MAP2: variants seen among roughly 807,000 people sequenced by gnomAD.
MAP2 encodes microtubule-associated protein 2.
A neutral mutation model predicts 137.6 loss-of-function variants in MAP2; 14 were observed. The ratio of observed to expected loss-of-function variants is 0.10; its 90% confidence interval spans 0.07 to 0.16. MAP2 has a LOEUF of 0.16. Ranked by LOEUF, MAP2 falls within the 10% of genes least tolerant of loss-of-function variation. MAP2 has a pLI of 1.00. For synonymous variants in MAP2, 786 were observed against 782.3 expected (o/e 1.00, Z -0.08); for missense variants, 2,088 against 2,191.5 (o/e 0.95, Z 0.94).
chr2:209,713,001 G>A (rs1222673801), intron 13 of MAP2, among the ~76,000 whole-genome samples: 1 of 152,052 alleles, frequency 6.6e-6, no homozygotes. Flanking sequence ...CTTTCTTCAC[G>A]GGCCAGGTTT....
intron 4 of MAP2, among the ~76,000 whole-genome samples, chr2:209,633,024 T>G (rs2093239989): frequency 6.6e-6 from 1 of 152,146 alleles, no homozygotes; most frequent in Non-Finnish European, 1.5e-5. Flanking sequence ...TAAATGCCAT[T>G]TAGAACACGT....
rs768288660 is a variant in MAP2 at position 209,725,808 on chromosome 2, A to G, written c.5155+18A>G. The G allele has an allele frequency of 6.5e-7, 1 of 1,532,178 alleles. No homozygotes were observed. The highest frequency in any genetic ancestry group is 1.2e-5 in the South Asian group (1 of 80,496). The allele number at this position is 1,532,178 out of a possible 1,614,324, so 94.9% of individuals were successfully genotyped here. On this transcript the variant is annotated intron_variant, in intron 14 of 15. Coordinates refer to ENST00000682079, the MANE Select transcript of MAP2 (RefSeq NM_001375505.1). ...CAGGCCAGGTAAATAAATAATTTTT[A>G]GTAGTTTGAGAAATATTTAACTGGA...
At position 209,521,264 on chromosome 2, in the gene MAP2, A is replaced by G. The variant is rs576932379; in HGVS notation, c.-172+13623A>G. On this transcript the variant is annotated intron_variant, in intron 2 of 15. Transcript: ENST00000682079. Reference sequence around the variant, plus strand: ...TGGCAGCAGCCTTCTACGTACATACATGTACTTTACAACACACTAATATGA... The same window carrying G: ...TGGCAGCAGCCTTCTACGTACATACGTGTACTTTACAACACACTAATATGA... Among the ~76,000 whole-genome samples the G allele has an allele frequency of 2.6e-5, 4 of 152,204 alleles. No individual in the cohort carries two copies. The South Asian group carries it at 8.3e-4, about 31-fold the overall frequency.
intron 11 of MAP2, among the ~76,000 whole-genome samples, chr2:209,702,454 A>AT (rs566579115): frequency 1.3e-5 from 2 of 150,878 alleles, no homozygotes; most frequent in East Asian, 1.9e-4. Flanking sequence ...CTGTTCTCTG[A>AT]TTTTTTTTGG....
intron 5 of MAP2, among the ~76,000 whole-genome samples, chr2:209,656,313 C>G (rs144576848): frequency 2.0e-5 from 3 of 151,782 alleles, no homozygotes; most frequent in Non-Finnish European, 4.4e-5. Flanking sequence ...CCCAGGAATT[C>G]GAGACCAGTC....
intron 12 of MAP2, among the ~76,000 whole-genome samples, chr2:209,707,058 A>G (rs1217666007): frequency 6.6e-6 from 1 of 152,126 alleles, no homozygotes; most frequent in Non-Finnish European, 1.5e-5. Flanking sequence ...ATTGAACATA[A>G]TTAATAACCC....
chr2:209,729,912 G>A lies in MAP2; in HGVS notation c.5218G>A (p.Val1740Ile), dbSNP rs772763087. Residue 1740 changes from valine (V) to isoleucine (I), a missense_variant, in exon 15 of 16, where the codon GTT (valine) becomes ATT (isoleucine). This residue lies in a region of MAP2 where 112 missense variants were observed against 201.0 expected (regional missense o/e 0.56). Coordinates refer to ENST00000682079, the MANE Select transcript of MAP2 (RefSeq NM_001375505.1). ...LDFKEKAQAK[V>I]GSLDNAHHVP... is the part of the protein sequence containing the mutation. The stretch of plus-strand genomic sequence containing the variant: ...TTTCAAAGAAAAGGCCCAAGCTAAA[G>A]TTGGTTCTCTTGATAATGCTCATCA... 1 of 1,613,938 alleles carries A rather than the reference G, an allele frequency of 6.2e-7. No homozygotes were observed. Among genetic ancestry groups the A allele is most frequent in the Non-Finnish European group, 8.5e-7 (1 of 1,179,880 alleles).
rs542135855 is a variant in MAP2, at chr2:209,658,259, C to G, written c.262+4827C>G. Among the ~76,000 whole-genome samples the G allele has an allele frequency of 2.6e-5, 4 of 151,980 alleles. No homozygotes were observed. The South Asian group carries it at 8.3e-4, about 32-fold the overall frequency. ...CAGAAAAGCAATTGATTTCTGTAAT[C>G]ATTGTGCATGTGACTTAACAGTGTA... is the stretch of plus-strand genomic sequence containing the variant. On this transcript the variant is annotated intron_variant, in intron 5 of 15. Transcript: ENST00000682079.
intron 1 of MAP2, among the ~76,000 whole-genome samples, chr2:209,474,134 A>AC (rs55914155): frequency 1 from 152,267 of 152,268 alleles, 76,133 homozygotes; most frequent in Non-Finnish European, 1. Context: ...ATAGTGGTTT[A>AC]CCAAGGGGAG....
In MAP2 at chr2:209,514,063, C is replaced by T. The variant is rs557717814; in HGVS notation, c.-172+6422C>T. ...TCAGTTTGAAATGTGATTCTGGAAG[C>T]CTTGTATTTCTCCTTAAAGTAGTAA... On this transcript the variant is annotated intron_variant, in intron 2 of 15. Coordinates refer to ENST00000682079, the MANE Select transcript of MAP2 (RefSeq NM_001375505.1). Among the ~76,000 whole-genome samples the T allele has an allele frequency of 9.2e-5, 14 of 152,164 alleles. No individual in the cohort carries two copies. In the South Asian group the frequency reaches 2.7e-3, roughly 29 times the overall value.
intron 7 of MAP2, chr2:209,690,730 T>G: frequency 7.8e-7 from 1 of 1,289,796 alleles, no homozygotes; most frequent in Admixed American, 2.3e-5. Flanking sequence ...TGGAGTCTAG[T>G]GCGGAGGCCC....
At chr2:209,640,280 A>AT (rs1409273616) in intron 4 of MAP2, among the ~76,000 whole-genome samples, 1 of 151,912 alleles carries the variant, frequency 6.6e-6, no homozygotes, top group Non-Finnish European at 1.5e-5. Context: ...AGGGCTATAT[A>AT]TTTTTTTCTA....
intron 1 of MAP2, among the ~76,000 whole-genome samples, chr2:209,487,308 A>G (rs571733769): frequency 6.6e-6 from 1 of 152,274 alleles, no homozygotes; most frequent in African/African-American, 2.4e-5. Context: ...AGCTTTCAGG[A>G]AATTAGAGCT....
intron 7 of MAP2, among the ~76,000 whole-genome samples, chr2:209,686,612 C>T (rs2286849): frequency 0.22 from 33,140 of 152,022 alleles, 5,679 homozygotes; most frequent in African/African-American, 0.48. Flanking sequence ...TGAGATGTAA[C>T]GTCTGCACCA....
At chr2:209,533,764 G>A (rs2065504499) in intron 2 of MAP2, among the ~76,000 whole-genome samples, 1 of 152,158 alleles carries the variant, frequency 6.6e-6, no homozygotes, top group South Asian at 2.1e-4. Context: ...TTTGTGTTAG[G>A]GACATCGATG....
chr2:209,698,690 G>A (rs1471442522), intron 10 of MAP2, among the ~76,000 whole-genome samples: 1 of 152,188 alleles, frequency 6.6e-6, no homozygotes, highest in African/African-American at 2.4e-5. Flanking sequence ...TCAGGATGAA[G>A]AATATATCTG....
intron 3 of MAP2, among the ~76,000 whole-genome samples, chr2:209,584,922 C>T (rs958503474): frequency 2.0e-5 from 3 of 152,050 alleles, no homozygotes; most frequent in African/African-American, 4.8e-5. Flanking sequence ...GAGAGCTACA[C>T]GAGGAAAGAG....
intron 4 of MAP2, among the ~76,000 whole-genome samples, chr2:209,650,471 A>G (rs2153603166): frequency 6.6e-6 from 1 of 152,294 alleles, no homozygotes; most frequent in Admixed American, 6.5e-5. Context: ...TAATCATTAC[A>G]AAAAACAGAC....
At position 209,710,148 on chromosome 2, in the gene MAP2, C is replaced by T; in HGVS notation, c.4967C>T (p.Thr1656Ile). Residue 1656 changes from threonine to isoleucine, a missense_variant, in exon 13 of 16, where the codon ACT (threonine) becomes ATT (isoleucine). Transcript: ENST00000682079. ...CGTACTCCTCCAAAATCTCCTGCGA[C>T]TCCCAAGCAGCTTCGGCTTATTAAC... ...IIRTPPKSPA[T>I]PKQLRLINQP... 3 of 1,614,030 alleles carry T rather than the reference C, an allele frequency of 1.9e-6. No homozygotes were observed. The highest frequency in any genetic ancestry group is 2.5e-6 in the Non-Finnish European group (3 of 1,180,002).
Sources: gnomAD v4.1 joint callset for allele counts (sites outside exome capture counted in the v4.1 genomes callset) on GRCh38, gnomAD v4.1.1 for gene constraint, gnomAD v4.1.1 regional missense constraint, MANE v1.5 for transcripts, NCBI Gene and HGNC (gene_info 2026-07-23, HGNC 2026-07-21) for gene names.